KIAA1328: variants seen among roughly 807,000 people sequenced by gnomAD.
KIAA1328 encodes protein hinderin.
KIAA1328 carries 52 observed loss-of-function variants against 68.1 expected under a neutral mutation model. The observed-to-expected ratio is 0.76, with a 90% confidence interval of 0.61 to 0.96. The LOEUF (loss-of-function observed/expected upper bound fraction) is 0.96. KIAA1328 is among the 40% of genes least tolerant of loss of function. The pLI is 0.00. For synonymous variants in KIAA1328, 232 were observed against 239.4 expected (o/e 0.97, Z 0.28); for missense variants, 641 against 677.6 (o/e 0.95, Z 0.60).
chr18:37,073,104 G>A (rs1407491388), intron 7 of KIAA1328, among the ~76,000 whole-genome samples: 1 of 152,172 alleles, frequency 6.6e-6, no homozygotes, highest in African/African-American at 2.4e-5. Context: ...ATAGGCATGG[G>A]CAAAGACTTC....
At chr18:37,130,776 A>G (rs1438291308) in intron 7 of KIAA1328, among the ~76,000 whole-genome samples, 2 of 152,164 alleles carry the variant, frequency 1.3e-5, no homozygotes, top group East Asian at 3.8e-4. Flanking sequence ...AGAAAAAAAG[A>G]GTATGTGTCT....
At chr18:36,940,674 C>CTTTTTT (rs1272164052) in intron 5 of KIAA1328, among the ~76,000 whole-genome samples, 3 of 127,698 alleles carry the variant, frequency 2.3e-5, no homozygotes, top group Non-Finnish European at 1.7e-5. Flanking sequence ...GCTCATTTTA[C>CTTTTTT]TTTTTTTTTT....
At chr18:37,157,169 C>T (rs1010958167) in intron 7 of KIAA1328, among the ~76,000 whole-genome samples, 4 of 151,890 alleles carry the variant, frequency 2.6e-5, no homozygotes, top group African/African-American at 9.7e-5. Context: ...AAGTTCTAGT[C>T]GGTATGTCTG....
At chr18:37,105,968 T>C (rs1245665264) in intron 7 of KIAA1328, among the ~76,000 whole-genome samples, 3 of 138,842 alleles carry the variant, frequency 2.2e-5, no homozygotes, top group Non-Finnish European at 3.1e-5. Flanking sequence ...AAAAGGTATT[T>C]TTTAAATAAA....
intron 6 of KIAA1328, among the ~76,000 whole-genome samples, chr18:37,008,071 T>C (rs1227549375): frequency 6.6e-6 from 1 of 152,174 alleles, no homozygotes; most frequent in Non-Finnish European, 1.5e-5. Flanking sequence ...TCCAAAGAGT[T>C]TGGGGGCAGT....
At chr18:37,115,012 G>A (rs1331080383) in intron 7 of KIAA1328, among the ~76,000 whole-genome samples, 1 of 152,114 alleles carries the variant, frequency 6.6e-6, no homozygotes, top group African/African-American at 2.4e-5. Flanking sequence ...TGAAATTGAG[G>A]CAATAATTAA....
At chr18:36,996,005 A>G (rs931315416) in intron 6 of KIAA1328, among the ~76,000 whole-genome samples, 14 of 152,180 alleles carry the variant, frequency 9.2e-5, no homozygotes, top group African/African-American at 3.4e-4. Flanking sequence ...TTGCTTTACA[A>G]ACATTATCTT....
chr18:36,840,509 G>C (rs2046824655), intron 3 of KIAA1328, among the ~76,000 whole-genome samples: 1 of 150,788 alleles, frequency 6.6e-6, no homozygotes, highest in African/African-American at 2.4e-5. Flanking sequence ...AGGTACAGTG[G>C]CATGGTCTCG....
chr18:37,122,588 G>A (rs760421728), intron 7 of KIAA1328, among the ~76,000 whole-genome samples: 1 of 152,120 alleles, frequency 6.6e-6, no homozygotes, highest in Non-Finnish European at 1.5e-5. Flanking sequence ...AAAAATTATC[G>A]TCAGTCAAGA....
At chr18:36,966,638 TA>T (rs1469008643) in intron 6 of KIAA1328, among the ~76,000 whole-genome samples, 8 of 152,192 alleles carry the variant, frequency 5.3e-5, no homozygotes, top group Non-Finnish European at 8.8e-5. Context: ...TCAGCGAGGA[TA>T]CAGGATATAA....
chr18:37,106,930 G>T (rs955518680), intron 7 of KIAA1328, among the ~76,000 whole-genome samples: 1 of 152,098 alleles, frequency 6.6e-6, no homozygotes, highest in Non-Finnish European at 1.5e-5. Context: ...CCTTACACTA[G>T]TTGGGAATCG....
At chr18:37,021,340 T>A (rs774007927) in intron 6 of KIAA1328, among the ~76,000 whole-genome samples, 3 of 152,242 alleles carry the variant, frequency 2.0e-5, no homozygotes, top group African/African-American at 7.2e-5. Flanking sequence ...TTCAATAAAA[T>A]GTTATTAATA....
At chr18:37,218,009 C>G (rs1037801271) in intron 9 of KIAA1328, among the ~76,000 whole-genome samples, 2 of 152,184 alleles carry the variant, frequency 1.3e-5, no homozygotes, top group African/African-American at 4.8e-5. Context: ...GCTCAAAATT[C>G]TCTTGGCCCC....
intron 5 of KIAA1328, among the ~76,000 whole-genome samples, chr18:36,957,489 T>C (rs1355170864): frequency 6.6e-6 from 1 of 152,136 alleles, no homozygotes; most frequent in Non-Finnish European, 1.5e-5. Context: ...ATTTTCCAAT[T>C]TAGTATTTTC....
chr18:36,863,252 T>C, intron 4 of KIAA1328, among the ~76,000 whole-genome samples: 1 of 152,036 alleles, frequency 6.6e-6, no homozygotes, highest in South Asian at 2.1e-4. Context: ...AGGTTGAGGT[T>C]CTTTTTTTTT....
chr18:36,890,317 A>G (rs1255149026), intron 5 of KIAA1328, among the ~76,000 whole-genome samples: 1 of 151,434 alleles, frequency 6.6e-6, no homozygotes, highest in Non-Finnish European at 1.5e-5. Context: ...GATATTATCT[A>G]TGTAAAAGTA....
At chr18:37,152,316 A>G (rs2059053711) in intron 7 of KIAA1328, among the ~76,000 whole-genome samples, 1 of 152,134 alleles carries the variant, frequency 6.6e-6, no homozygotes, top group African/African-American at 2.4e-5. Flanking sequence ...TAGCAAATTG[A>G]GTCAAGGAAA....
chr18:37,153,878 ACT>A (rs2059096971), intron 7 of KIAA1328, among the ~76,000 whole-genome samples: 1 of 147,638 alleles, frequency 6.8e-6, no homozygotes, highest in Non-Finnish European at 1.5e-5. Flanking sequence ...AAAAAAAAAG[ACT>A]CATGCCAAAA....
At chr18:36,846,483 A>G (rs1217385718) in intron 4 of KIAA1328, among the ~76,000 whole-genome samples, 3 of 151,524 alleles carry the variant, frequency 2.0e-5, no homozygotes, top group Admixed American at 6.6e-5. Context: ...TGCAATTTGC[A>G]TGCAATAACA....
Sources: allele counts gnomAD v4.1 joint callset (sites outside exome capture counted in the v4.1 genomes callset), GRCh38; gene constraint gnomAD v4.1.1; transcripts MANE v1.5; gene names NCBI Gene and HGNC (gene_info 2026-07-23, HGNC 2026-07-21).